QTMAN: variants seen among roughly 807,000 people sequenced by gnomAD.
The protein encoded by QTMAN is tRNA-queuosine alpha-mannosyltransferase.
the QTMAN span, among the ~76,000 whole-genome samples, chr2:144,037,615 T>C: frequency 1.8e-4 from 27 of 152,192 alleles, no homozygotes; most frequent in Admixed American, 3.3e-4. Context: ...GAAATTTAAA[T>C]AATAATCCTT....
the QTMAN span, among the ~76,000 whole-genome samples, chr2:144,202,726 G>A: frequency 1.3e-5 from 2 of 152,024 alleles, no homozygotes; most frequent in African/African-American, 4.8e-5. Flanking sequence ...CACAGTTGTC[G>A]AACTTTAAAG....
At chr2:144,155,855 CAAT>C in the QTMAN span, among the ~76,000 whole-genome samples, 2 of 151,176 alleles carry the variant, frequency 1.3e-5, no homozygotes. Context: ...ATGACAATAA[CAAT>C]AATAATATCT....
chr2:143,980,504 C>T, the QTMAN span, among the ~76,000 whole-genome samples: 1 of 152,180 alleles, frequency 6.6e-6, no homozygotes, highest in Non-Finnish European at 1.5e-5. Flanking sequence ...TGAATTGACT[C>T]TAAATCTAGA....
the QTMAN span, among the ~76,000 whole-genome samples, chr2:144,105,046 C>G: frequency 8.2e-4 from 125 of 152,320 alleles, no homozygotes; most frequent in African/African-American, 3.0e-3. Context: ...AGCTGAGGGT[C>G]CTGACTGTTA....
the QTMAN span, among the ~76,000 whole-genome samples, chr2:144,086,097 G>A: frequency 1.3e-5 from 2 of 152,012 alleles, no homozygotes; most frequent in Non-Finnish European, 2.9e-5. Context: ...CACCTCAACA[G>A]GCATGCAAGT....
the QTMAN span, among the ~76,000 whole-genome samples, chr2:144,265,673 C>T: frequency 6.6e-6 from 1 of 152,064 alleles, no homozygotes; most frequent in East Asian, 1.9e-4. Context: ...TCCAGCCTGG[C>T]AACAGGGCGA....
the QTMAN span, among the ~76,000 whole-genome samples, chr2:144,062,353 G>A: frequency 6.6e-6 from 1 of 152,220 alleles, no homozygotes; most frequent in Non-Finnish European, 1.5e-5. Context: ...CTGTCTCACT[G>A]CCATTGGACA....
At chr2:144,049,563 T>C in the QTMAN span, among the ~76,000 whole-genome samples, 1 of 152,172 alleles carries the variant, frequency 6.6e-6, no homozygotes, top group African/African-American at 2.4e-5. Flanking sequence ...ACCCTAACCT[T>C]TAGTGAGCAA....
chr2:144,007,290 C>T, the QTMAN span: 4 of 1,613,130 alleles, frequency 2.5e-6, no homozygotes, highest in Non-Finnish European at 3.4e-6. Flanking sequence ...ATGATGAGAG[C>T]TTGAATTATC....
chr2:144,121,074 C>T, the QTMAN span, among the ~76,000 whole-genome samples: 2 of 152,092 alleles, frequency 1.3e-5, no homozygotes, highest in Non-Finnish European at 2.9e-5. Flanking sequence ...TTGTGCCAAA[C>T]CCCTATCAAG....
At chr2:143,993,920 G>C in the QTMAN span, among the ~76,000 whole-genome samples, 1 of 152,148 alleles carries the variant, frequency 6.6e-6, no homozygotes, top group Non-Finnish European at 1.5e-5. Context: ...TTTGCATTTA[G>C]ATGTGTTTTA....
At chr2:144,095,246 T>C in the QTMAN span, among the ~76,000 whole-genome samples, 1 of 152,210 alleles carries the variant, frequency 6.6e-6, no homozygotes, top group Non-Finnish European at 1.5e-5. Context: ...TATATGTCCA[T>C]TACATTAGAA....
At chr2:144,112,601 C>G in the QTMAN span, among the ~76,000 whole-genome samples, 6,714 of 152,252 alleles carry the variant, frequency 0.044, 489 homozygotes, top group African/African-American at 0.15. Flanking sequence ...CTACTCTGCC[C>G]AACACCATGG....
the QTMAN span, among the ~76,000 whole-genome samples, chr2:144,175,439 A>T: frequency 6.6e-6 from 1 of 152,110 alleles, no homozygotes; most frequent in East Asian, 1.9e-4. Flanking sequence ...GAGAATCTAA[A>T]ACAGTAGAGT....
chr2:144,029,816 G>A, the QTMAN span, among the ~76,000 whole-genome samples: 2 of 151,952 alleles, frequency 1.3e-5, no homozygotes, highest in Non-Finnish European at 2.9e-5. Context: ...CTTTCAAATA[G>A]GTAGGCAGAT....
the QTMAN span, among the ~76,000 whole-genome samples, chr2:144,173,344 G>A: frequency 6.6e-6 from 1 of 152,164 alleles, no homozygotes; most frequent in Non-Finnish European, 1.5e-5. Context: ...CAAAATGTAT[G>A]TGATTACATT....
the QTMAN span, among the ~76,000 whole-genome samples, chr2:144,201,885 A>G: frequency 6.6e-6 from 1 of 152,214 alleles, no homozygotes; most frequent in East Asian, 1.9e-4. Flanking sequence ...GAGATGGTGA[A>G]CAAAGGAAAA....
At chr2:144,044,251 C>CAT in the QTMAN span, among the ~76,000 whole-genome samples, 9 of 151,998 alleles carry the variant, frequency 5.9e-5, no homozygotes, top group Admixed American at 2.0e-4. Context: ...AAAATACATA[C>CAT]ATATATATAT....
At chr2:144,137,353 T>C in the QTMAN span, among the ~76,000 whole-genome samples, 1 of 152,124 alleles carries the variant, frequency 6.6e-6, no homozygotes, top group Non-Finnish European at 1.5e-5. Flanking sequence ...TGCCCTGCCA[T>C]AGAATGGCTC....
Sources: gnomAD v4.1 joint callset for allele counts (sites outside exome capture counted in the v4.1 genomes callset) on GRCh38, gnomAD v4.1.1 for gene constraint, MANE v1.5 for transcripts, NCBI Gene and HGNC (gene_info 2026-07-23, HGNC 2026-07-21) for gene names.